The following NOXRED1 variants were observed in gnomAD, a reference collection of about 807,000 sequenced individuals.
NOXRED1 encodes NADP-dependent oxidoreductase domain-containing protein 1.
In NOXRED1, 20 loss-of-function variants were observed where a neutral mutation model predicts 30.4. The ratio of observed to expected loss-of-function variants is 0.66; its 90% CI spans 0.46 to 0.96. The LOEUF (loss-of-function observed/expected upper bound fraction) is 0.96. Ranked by LOEUF, NOXRED1 falls within the 40% of genes least tolerant of loss-of-function variation. The probability of loss-of-function intolerance (pLI) is 0.00; values close to 1 mark genes in which losing one functional copy is unlikely to be tolerated. For missense variants in NOXRED1, 374 were observed against 428.0 expected, an observed-to-expected ratio of 0.87 and a Z score of 1.11; for synonymous variants, 155 against 168.0, an observed-to-expected ratio of 0.92 and a Z score of 0.60.
intron 2 of NOXRED1, among the ~76,000 whole-genome samples, chr14:77,409,841 C>T (rs1398671778): frequency 6.8e-6 from 1 of 147,342 alleles, no homozygotes; most frequent in Non-Finnish European, 1.5e-5. Context: ...CAGAGTCTTG[C>T]TCTGTCATCC....
At chr14:77,419,607 C>A (rs1320050352) in intron 1 of NOXRED1, among the ~76,000 whole-genome samples, 8 of 151,802 alleles carry the variant, frequency 5.3e-5, no homozygotes, top group Admixed American at 6.6e-5. Context: ...CGCCACCACG[C>A]CCGGCTAATT....
chr14:77,405,969 CT>C lies in NOXRED1; in HGVS notation c.848del (p.Lys283SerfsTer4). 1 of 1,613,834 alleles carries C rather than the reference CT, an allele frequency of 6.2e-7. No homozygotes were observed. Among genetic ancestry groups the C allele is most frequent in the Non-Finnish European group, 8.5e-7 (1 of 1,179,878 alleles). ...TGCTGACAAAATCTGTTAATTGCAA[CT>C]TTGGGCAAGATGCTGTGTCTTTCCC... The part of the protein sequence containing the change: ...DCGKDTASCP[K>X]LQLTDFVSKA... On this transcript the variant is annotated frameshift_variant, in exon 5 of 6. Coordinates refer to ENST00000380835, the MANE Select transcript of NOXRED1 (RefSeq NM_001113475.3). LOFTEE classifies it high-confidence loss of function.
intron 1 of NOXRED1, among the ~76,000 whole-genome samples, chr14:77,420,155 ACTTTT>A (rs1245184064): frequency 6.6e-6 from 1 of 151,848 alleles, no homozygotes; most frequent in East Asian, 1.9e-4. Flanking sequence ...GATTTTCTTC[ACTTTT>A]CTTTTCTTTT....
chr14:77,395,757 A>G (rs771005832), intron 5 of NOXRED1, among the ~76,000 whole-genome samples: 16 of 151,682 alleles, frequency 1.1e-4, no homozygotes, highest in Non-Finnish European at 2.2e-4. Context: ...AGCTATGATC[A>G]CACCACTGCA....
chr14:77,414,224 C>T (rs1178218473), intron 1 of NOXRED1, 97 bp from the exon 2 acceptor site: 2 of 757,428 alleles, frequency 2.6e-6, no homozygotes, highest in Non-Finnish European at 4.0e-6. Context: ...CTTTGTCGCC[C>T]AGGTTAGAGT....
intron 1 of NOXRED1, among the ~76,000 whole-genome samples, chr14:77,417,226 T>C (rs1417918369): frequency 6.6e-6 from 1 of 152,208 alleles, no homozygotes; most frequent in Non-Finnish European, 1.5e-5. Flanking sequence ...TGATCTATCC[T>C]GGAAAATGTT....
intron 5 of NOXRED1, among the ~76,000 whole-genome samples, chr14:77,399,264 G>A (rs912153123): frequency 6.6e-5 from 10 of 151,914 alleles, no homozygotes; most frequent in Non-Finnish European, 1.0e-4. Flanking sequence ...TCAAGCTTGG[G>A]CAACAAAGTG....
chr14:77,422,261 T>C (rs1857609414), intron 1 of NOXRED1, among the ~76,000 whole-genome samples: 1 of 152,210 alleles, frequency 6.6e-6, no homozygotes, highest in African/African-American at 2.4e-5. Flanking sequence ...ACTGACAGCT[T>C]TTCTGCAAAT....
At chr14:77,404,596 C>T (rs777405774) in intron 5 of NOXRED1, among the ~76,000 whole-genome samples, 9 of 151,796 alleles carry the variant, frequency 5.9e-5, no homozygotes, top group African/African-American at 4.8e-5. Flanking sequence ...AAAAGATCAC[C>T]GGGAACAAAG....
chr14:77,407,817 G>A (rs913946813), intron 2 of NOXRED1, among the ~76,000 whole-genome samples, 172 bp from the exon 3 acceptor site: 1 of 151,282 alleles, frequency 6.6e-6, no homozygotes, highest in Admixed American at 6.6e-5. Context: ...ACGCAGCAAT[G>A]CCCTAACTCT....
upstream of NOXRED1, among the ~76,000 whole-genome samples, chr14:77,425,732 C>T (rs568204758): frequency 1.3e-5 from 2 of 152,258 alleles, no homozygotes; most frequent in South Asian, 4.1e-4. Flanking sequence ...CGTCCCTGAC[C>T]TCTACCCACT....
chr14:77,396,945 GC>G (rs1326311640), intron 5 of NOXRED1, among the ~76,000 whole-genome samples: 2 of 152,130 alleles, frequency 1.3e-5, no homozygotes, highest in Non-Finnish European at 2.9e-5. Flanking sequence ...ATTATACATT[GC>G]TAGTGATAAT....
At chr14:77,396,222 T>A (rs1193439876) in intron 5 of NOXRED1, among the ~76,000 whole-genome samples, 1 of 151,854 alleles carries the variant, frequency 6.6e-6, no homozygotes, top group Non-Finnish European at 1.5e-5. Flanking sequence ...ATGACATTAT[T>A]ATCTATGTAG....
rs761524907 is a variant in NOXRED1, at chr14:77,405,998, A to G, written c.820T>C (p.Cys274Arg). Residue 274 changes from cysteine (C) to arginine (R), a missense_variant, in exon 5 of 6, where the codon TGT becomes CGT. By Grantham distance (180) the Cys-to-Arg change is radical. Coordinates refer to ENST00000380835, the MANE Select transcript of NOXRED1 (RefSeq NM_001113475.3). ...GGGCAAGATGCTGTGTCTTTCCCAC[A>G]GTCTTCAAAGTGCACGGAGAGAAAG... The part of the protein sequence containing the change: ...ELFLSVHFED[C>R]GKDTASCPKL... 2 of 1,613,872 alleles carry G rather than the reference A, an allele frequency of 1.2e-6. No homozygotes were observed. Among genetic ancestry groups the G allele is most frequent in the South Asian group, 2.2e-5 (2 of 91,076 alleles).
chr14:77,394,631 T>C lies in NOXRED1; in HGVS notation c.1080A>G (p.Ter360=). ...AAAAAATCCTGATTCCTGAGTTCTC[T>C]TATTGGGATGGAAAGCCTGTGGAAA... ...PVISTGFPSQ[*] is the part of the protein sequence containing the mutation. The change falls in exon 6 of 6, where the codon TAA becomes TAG. Residue 360 remains the stop codon, a stop_retained_variant. Coordinates refer to ENST00000380835, the MANE Select transcript of NOXRED1 (RefSeq NM_001113475.3). 1 of 1,610,072 alleles carries C rather than the reference T, an allele frequency of 6.2e-7. No individual in the cohort carries two copies. Among genetic ancestry groups the C allele is most frequent in the Non-Finnish European group, 8.5e-7 (1 of 1,177,540 alleles).
At chr14:77,398,893 C>T (rs1894252040) in intron 5 of NOXRED1, among the ~76,000 whole-genome samples, 1 of 152,024 alleles carries the variant, frequency 6.6e-6, no homozygotes, top group African/African-American at 2.4e-5. Context: ...CGTTTGAACT[C>T]AGGAGGCGGA....
chr14:77,415,168 C>G (rs1356634213), intron 1 of NOXRED1, among the ~76,000 whole-genome samples: 2 of 141,776 alleles, frequency 1.4e-5, no homozygotes, highest in East Asian at 2.0e-4. Context: ...AGAGCAAGAC[C>G]CTGTCTCAGG....
Position 77,406,104 on chromosome 14 carries a change from C to A in NOXRED1, c.714G>T (p.Glu238Asp). ...TGTTTAGGGCCGCATAGAACACTCC[C>A]TCCAACCACTTGATATTGAGGATTA... ...GGIILNIKWLEGVFYAALNIC... is the reference protein window; with the variant it reads ...GGIILNIKWLDGVFYAALNIC... Residue 238 changes from glutamate to aspartate, a missense_variant, in exon 5 of 6, where the codon GAG (glutamate) becomes GAT (aspartate). By Grantham distance (45) the Glu-to-Asp change is conservative (BLOSUM62 2). Transcript: ENST00000380835. The A allele has an allele frequency of 1.2e-6, 2 of 1,613,496 alleles. No individual in the cohort carries two copies. The highest frequency in any genetic ancestry group is 3.3e-5 in the Admixed American group (2 of 59,978).
chr14:77,418,683 C>T (rs927705370), intron 1 of NOXRED1, among the ~76,000 whole-genome samples: 5 of 151,730 alleles, frequency 3.3e-5, no homozygotes, highest in African/African-American at 1.2e-4. Flanking sequence ...GTGTGTACCA[C>T]TATGCCCAGC....
Sources: allele counts gnomAD v4.1 joint callset (sites outside exome capture counted in the v4.1 genomes callset), GRCh38; gene constraint gnomAD v4.1.1; transcripts MANE v1.5; gene names NCBI Gene and HGNC (gene_info 2026-07-23, HGNC 2026-07-21).